Variants in POMK observed in about 807,000 individuals in gnomAD.
POMK encodes the protein Sugen kinase 196.
In POMK, 19 loss-of-function variants were observed where a neutral mutation model predicts 23.0. That is an observed-to-expected ratio of 0.83 (90% CI 0.58 to 1.21). The LOEUF (loss-of-function observed/expected upper bound fraction) is 1.21, where lower values mean the gene tolerates loss of function less well. Ranked by LOEUF, POMK falls within the 50% of genes most tolerant of loss-of-function variation. The pLI is 0.00. For synonymous variants in POMK, 173 were observed against 171.6 expected (o/e 1.01, Z -0.06); for missense variants, 410 against 431.3 (o/e 0.95, Z 0.44).
chr8:43,113,632 G>C (rs540008068), intron 4 of POMK, among the ~76,000 whole-genome samples: 1 of 152,358 alleles, frequency 6.6e-6, no homozygotes, highest in South Asian at 2.1e-4. Context: ...TCTCCGTCCA[G>C]CTTTTTTCCG....
At chr8:43,101,417 C>CAAA (rs1156411465) in intron 2 of POMK, among the ~76,000 whole-genome samples, 1,753 of 57,462 alleles carry the variant, frequency 0.031, 49 homozygotes, top group African/African-American at 0.1. Context: ...GACCCTATGT[C>CAAA]AAAAAAAAAA....
In POMK at chr8:43,122,709, CATTGAAGGGAGTG is replaced by C; in HGVS notation, c.888_900del (p.Glu297TrpfsTer42). 1 of 1,614,168 alleles carries C rather than the reference CATTGAAGGGAGTG, an allele frequency of 6.2e-7. No individual in the cohort carries two copies. Among genetic ancestry groups the C allele is most frequent in the African/African-American group, 1.3e-5 (1 of 75,024 alleles). ...ACATCTCCAGTTTCCTTCTGGGGCA[CATTGAAGGGAGTG>C]ATATGGTCCGATTCCATTTGTTTGA... is the stretch of plus-strand genomic sequence containing the variant. On this transcript the variant is annotated frameshift_variant, in exon 5 of 5. Coordinates refer to ENST00000331373, the MANE Select transcript of POMK (RefSeq NM_032237.5). LOFTEE classifies it high-confidence loss of function.
chr8:43,116,295 C>G (rs1444186218), intron 4 of POMK, among the ~76,000 whole-genome samples: 1 of 152,198 alleles, frequency 6.6e-6, no homozygotes, highest in African/African-American at 2.4e-5. Flanking sequence ...TTTTCAGAGA[C>G]AGAGTCTCTC....
At chr8:43,097,138 A>G (rs1225210189) in intron 1 of POMK, among the ~76,000 whole-genome samples, 1 of 152,256 alleles carries the variant, frequency 6.6e-6, no homozygotes, top group East Asian at 1.9e-4. Flanking sequence ...GACAGCATGT[A>G]TAGGAATTAT....
intron 1 of POMK, among the ~76,000 whole-genome samples, chr8:43,094,593 G>A (rs965907680): frequency 6.6e-6 from 1 of 152,082 alleles, no homozygotes; most frequent in African/African-American, 2.4e-5. Flanking sequence ...GGCTAAATAA[G>A]CGTTCAGAAT....
intron 4 of POMK, among the ~76,000 whole-genome samples, chr8:43,119,633 C>T (rs1811871276): frequency 6.6e-6 from 1 of 151,962 alleles, no homozygotes. Flanking sequence ...TGGGGTTTCA[C>T]CATGTTGCCA....
At chr8:43,107,148 G>A (rs1811559769) in intron 4 of POMK, among the ~76,000 whole-genome samples, 1 of 151,918 alleles carries the variant, frequency 6.6e-6, no homozygotes. Flanking sequence ...TAAAAGTAAA[G>A]GTTTGAAAGC....
At chr8:43,101,097 A>C (rs1811431248) in intron 2 of POMK, among the ~76,000 whole-genome samples, 3 of 152,006 alleles carry the variant, frequency 2.0e-5, no homozygotes, top group Admixed American at 2.0e-4. Flanking sequence ...ATACTGATGC[A>C]GGGGATGAGT....
intron 2 of POMK, among the ~76,000 whole-genome samples, chr8:43,100,789 T>C (rs971771840): frequency 2.7e-5 from 4 of 148,684 alleles, no homozygotes; most frequent in African/African-American, 5.0e-5. Flanking sequence ...AGGTAGGGGG[T>C]GGTGGTGGTG....
chr8:43,113,224 T>G (rs1478846792), intron 4 of POMK, among the ~76,000 whole-genome samples: 1 of 152,188 alleles, frequency 6.6e-6, no homozygotes, highest in African/African-American at 2.4e-5. Context: ...TTGGTTCCAT[T>G]CTCCCCATCA....
intron 4 of POMK, among the ~76,000 whole-genome samples, chr8:43,117,929 G>C (rs1563341879): frequency 6.6e-6 from 1 of 152,142 alleles, no homozygotes; most frequent in Non-Finnish European, 1.5e-5. Flanking sequence ...CATGTACATA[G>C]ACATGTAAAT....
intron 4 of POMK, among the ~76,000 whole-genome samples, chr8:43,108,002 T>C (rs974075045): frequency 6.6e-6 from 1 of 152,220 alleles, no homozygotes; most frequent in African/African-American, 2.4e-5. Flanking sequence ...ATTTTTTACA[T>C]AGGCTTTTTA....
chr8:43,102,504 G>C lies in POMK; in HGVS notation c.-117-1G>C, dbSNP rs1179766561. 1.3e-5 allele frequency: 2 copies of C among 152,306 alleles called. No homozygotes were observed. Among genetic ancestry groups the C allele is most frequent in the African/African-American group, 4.8e-5 (2 of 41,442 alleles). 9.4% of individuals were successfully genotyped at this position (152,306 alleles called of 1,614,324 possible). ...ACTTCCTGTTTGGTACTTTGTGGCA[G>C]GGTGTTTCCCGACCAGTCCCTGGGC... On this transcript the variant is annotated splice_acceptor_variant, in intron 2 of 4. Coordinates refer to ENST00000331373, the MANE Select transcript of POMK (RefSeq NM_032237.5). LOFTEE classifies it low-confidence loss of function (5UTR_SPLICE).
Position 43,103,592 on chromosome 8 carries a change from G to C in POMK, c.44G>C (p.Arg15Pro). ...PQNSRRGLAPREVPPAVGLLL... is the reference protein window; with the variant it reads ...PQNSRRGLAPPEVPPAVGLLL... ...AACAGCAGGAGAGGCCTCGCCCCCC[G>C]AGAGGTGCCGCCAGCTGTTGGGCTG... The change falls in exon 4 of 5, where the codon CGA (arginine) becomes CCA (proline). Residue 15 changes from arginine to proline, a missense_variant. Coordinates refer to ENST00000331373, the MANE Select transcript of POMK (RefSeq NM_032237.5). The C allele has an allele frequency of 1.9e-6, 3 of 1,614,110 alleles. No individual in the cohort carries two copies. The highest frequency in any genetic ancestry group is 2.5e-6 in the Non-Finnish European group (3 of 1,180,032).
chr8:43,104,247 C>T (rs10107644), intron 4 of POMK, among the ~76,000 whole-genome samples: 100 of 152,090 alleles, frequency 6.6e-4, no homozygotes, highest in Non-Finnish European at 1.1e-3. Context: ...CTCAGCCTCC[C>T]GAGTAGCTGG....
At chr8:43,094,743 C>A (rs975464699) in intron 1 of POMK, among the ~76,000 whole-genome samples, 6 of 152,048 alleles carry the variant, frequency 3.9e-5, no homozygotes, top group Non-Finnish European at 5.9e-5. Context: ...TAGTTTTGTC[C>A]CTTTGCTTTT....
chr8:43,119,800 TGAAA>T (rs958413258), intron 4 of POMK, among the ~76,000 whole-genome samples: 4 of 152,166 alleles, frequency 2.6e-5, no homozygotes, highest in African/African-American at 9.6e-5. Context: ...TAGAGAGTCT[TGAAA>T]GAGTTTTCAT....
chr8:43,113,758 T>C (rs1482573376), intron 4 of POMK, among the ~76,000 whole-genome samples: 1 of 152,200 alleles, frequency 6.6e-6, no homozygotes, highest in African/African-American at 2.4e-5. Flanking sequence ...CTTTTGGTCT[T>C]TGATGATGGT....
rs572018498 is a variant in POMK, at chr8:43,111,283, C to A, written c.282+7453C>A. On this transcript the variant is annotated intron_variant, in intron 4 of 4. Transcript: ENST00000331373. The stretch of plus-strand genomic sequence containing the variant: ...CACACCAGGAGATTATATCCTGCAC[C>A]TGGCTCGGAGGGTCCTACGCCCATG... Among the ~76,000 whole-genome samples the A allele has an allele frequency of 2.3e-3, 344 of 152,296 alleles. 1 individual carries two copies. The highest frequency in any genetic ancestry group is 7.0e-3 in the African/African-American group (292 of 41,576).
Sources: allele counts gnomAD v4.1 joint callset (sites outside exome capture counted in the v4.1 genomes callset), GRCh38; gene constraint gnomAD v4.1.1; transcripts MANE v1.5; gene names NCBI Gene and HGNC (gene_info 2026-07-23, HGNC 2026-07-21).